MYO5C: variants seen among roughly 807,000 people sequenced by gnomAD.
MYO5C encodes unconventional myosin-Vc.
Under a neutral mutation model 235.7 loss-of-function variants are expected in MYO5C, and 194 were observed. That is an observed-to-expected ratio of 0.82 (90% CI 0.73 to 0.93). MYO5C has a LOEUF of 0.93. Among genes scored for constraint, MYO5C ranks in the 40% least tolerant of loss-of-function variants. The pLI is 0.00. For synonymous variants in MYO5C, 707 were observed against 754.8 expected (o/e 0.94, Z 1.04); for missense variants, 2,038 against 2,127.2 (o/e 0.96, Z 0.82).
intron 1 of MYO5C, among the ~76,000 whole-genome samples, chr15:52,295,035 G>A (rs1480167710): frequency 6.6e-6 from 1 of 152,224 alleles, no homozygotes; most frequent in East Asian, 1.9e-4. Context: ...CTTCTGATGA[G>A]CCTACATGCA....
chr15:52,217,840 G>A (rs1027090493), intron 32 of MYO5C, among the ~76,000 whole-genome samples: 6 of 152,118 alleles, frequency 3.9e-5, no homozygotes, highest in African/African-American at 1.2e-4. Context: ...GCCCTCCTGC[G>A]TTACCCTCTT....
At chr15:52,241,345 C>T (rs577816073) in intron 20 of MYO5C, among the ~76,000 whole-genome samples, 4 of 150,182 alleles carry the variant, frequency 2.7e-5, no homozygotes, top group Non-Finnish European at 5.9e-5. Flanking sequence ...CTGCAAGCTC[C>T]GCCTCCCGGG....
intron 23 of MYO5C, 96 bp downstream of exon 23, chr15:52,235,574 A>G (rs1411087880): frequency 6.5e-6 from 6 of 925,770 alleles, no homozygotes; most frequent in African/African-American, 1.7e-5. Context: ...CTAAGTGTAC[A>G]CCAGAGACCC....
chr15:52,253,847 G>A lies in MYO5C; in HGVS notation c.1396-390C>T, dbSNP rs538059407. 5.9e-5 allele frequency among the ~76,000 whole-genome samples: 9 copies of A among 152,318 alleles called. No homozygotes were observed. The South Asian group carries it at 8.3e-4, about 14-fold the overall frequency. ...CCAGCTACCTGAGAATGCTAGCTGC[G>A]GGGCCGGTGGGAGAAGCCCACTGCT... is the stretch of plus-strand genomic sequence containing the variant. On this transcript the variant is annotated intron_variant, in intron 11 of 40. Transcript: ENST00000261839.
chr15:52,283,500 C>T (rs971498834), intron 1 of MYO5C, among the ~76,000 whole-genome samples: 1 of 152,192 alleles, frequency 6.6e-6, no homozygotes, highest in Non-Finnish European at 1.5e-5. Flanking sequence ...CAATGGCACG[C>T]CTGGCTCAGC....
At chr15:52,226,036 GC>G (rs2035814354) in intron 25 of MYO5C, among the ~76,000 whole-genome samples, 1 of 141,452 alleles carries the variant, frequency 7.1e-6, no homozygotes, top group African/African-American at 2.7e-5. Context: ...GGGAACAAGA[GC>G]AAAACTCCAC....
intron 29 of MYO5C, among the ~76,000 whole-genome samples, chr15:52,222,752 T>C (rs909945125): frequency 2.6e-5 from 4 of 152,050 alleles, no homozygotes; most frequent in Admixed American, 6.5e-5. Context: ...GAGATGGCTT[T>C]TTGAATGAGG....
chr15:52,195,747 G>A (rs561357806), intron 39 of MYO5C, among the ~76,000 whole-genome samples: 2 of 152,110 alleles, frequency 1.3e-5, no homozygotes, highest in Admixed American at 6.5e-5. Context: ...TGAGTTTAAT[G>A]GGCAGGGAAT....
At chr15:52,281,021 C>A (rs748524654) in intron 2 of MYO5C, among the ~76,000 whole-genome samples, 2 of 152,188 alleles carry the variant, frequency 1.3e-5, no homozygotes, top group Admixed American at 6.5e-5. Context: ...TGTGACCTAA[C>A]CCCGACCAGA....
chr15:52,247,651 T>C (rs1259797587), intron 14 of MYO5C, 59 bp from the exon 15 acceptor site: 4 of 1,579,362 alleles, frequency 2.5e-6, no homozygotes, highest in Admixed American at 3.6e-5. Flanking sequence ...TACTCACTCA[T>C]ACAAGCCACG....
chr15:52,208,486 C>G, intron 36 of MYO5C, 68 bp downstream of exon 36: 10 of 1,442,264 alleles, frequency 6.9e-6, no homozygotes, highest in Non-Finnish European at 9.7e-6. Context: ...CTCTATTGAG[C>G]TCTGGCTCAG....
At chr15:52,241,250 C>CCT (rs2036214889) in intron 20 of MYO5C, among the ~76,000 whole-genome samples, 5 of 59,622 alleles carry the variant, frequency 8.4e-5, no homozygotes, top group South Asian at 9.2e-4. Flanking sequence ...GTGGGCTAAT[C>CCT]TTTTTTTTTT....
rs746607674 is a variant in MYO5C, at chr15:52,196,334, C to T, written c.4970G>A (p.Arg1657His). ...TDSDAKEIYERCTSLSAVQII... is the reference protein window; with the variant it reads ...TDSDAKEIYEHCTSLSAVQII... The stretch of plus-strand genomic sequence containing the variant: ...CTGCACAGCAGACAGTGAGGTGCAG[C>T]GTTCGTAGATCTCCTTGGCATCACT... Residue 1657 changes from arginine (R) to histidine (H), a missense_variant, in exon 39 of 41, where the codon CGC (arginine) becomes CAC (histidine). By Grantham distance (29) the Arg-to-His change is conservative. Transcript: ENST00000261839. 2.0e-5 allele frequency: 33 copies of T among 1,612,406 alleles called. No homozygotes were observed. The highest frequency in any genetic ancestry group is 5.3e-5 in the African/African-American group (4 of 74,830).
chr15:52,225,400 G>C, intron 26 of MYO5C, 39 bp downstream of exon 26: 1 of 1,462,722 alleles, frequency 6.8e-7, no homozygotes, highest in Non-Finnish European at 9.6e-7. Flanking sequence ...GATAAATTCA[G>C]TCTGCACCCA....
At chr15:52,284,910 G>C (rs949616199) in intron 1 of MYO5C, among the ~76,000 whole-genome samples, 2 of 150,928 alleles carry the variant, frequency 1.3e-5, no homozygotes, top group African/African-American at 4.9e-5. Context: ...CGTGATCACA[G>C]CTCACTGGAG....
chr15:52,248,881 G>T, intron 13 of MYO5C, 98 bp from the exon 14 acceptor site: 1 of 819,984 alleles, frequency 1.2e-6, no homozygotes. Flanking sequence ...TAATAAAAAA[G>T]GCTACAGAGG....
intron 5 of MYO5C, among the ~76,000 whole-genome samples, chr15:52,273,738 ACACT>A: frequency 6.6e-6 from 1 of 152,350 alleles, no homozygotes; most frequent in Non-Finnish European, 1.5e-5. Flanking sequence ...CTGGTCAATG[ACACT>A]AAAGTATATT....
chr15:52,246,139 C>T, intron 16 of MYO5C, 97 bp from the exon 17 acceptor site: 1 of 877,960 alleles, frequency 1.1e-6, no homozygotes, highest in South Asian at 1.4e-5. Context: ...TGACCCTATG[C>T]CAGGTACCCA....
At chr15:52,195,609 G>GA (rs1414263877) in intron 39 of MYO5C, 152 bp from the exon 40 acceptor site, 3 of 468,354 alleles carry the variant, frequency 6.4e-6, no homozygotes, top group African/African-American at 6.1e-5. Context: ...CTATTTCCAA[G>GA]AAAAGAAAAC....
Sources: allele counts gnomAD v4.1 joint callset (sites outside exome capture counted in the v4.1 genomes callset), GRCh38; gene constraint gnomAD v4.1.1; transcripts MANE v1.5; gene names NCBI Gene and HGNC (gene_info 2026-07-23, HGNC 2026-07-21).